IFNGR2: variants seen among roughly 807,000 people sequenced by gnomAD.
IFNGR2 encodes the protein IFN-gamma receptor 2.
IFNGR2 carries 15 observed loss-of-function variants against 41.1 expected under a neutral mutation model. That is an observed-to-expected ratio of 0.37 (90% CI 0.24 to 0.56). The LOEUF is 0.56. Ranked by LOEUF, IFNGR2 falls within the 20% of genes least tolerant of loss-of-function variation. IFNGR2 has a pLI of 0.81. For missense variants in IFNGR2, 362 were observed against 415.7 expected, an observed-to-expected ratio of 0.87 and a Z score of 1.12; for synonymous variants, 161 against 171.6, an observed-to-expected ratio of 0.94 and a Z score of 0.48.
At chr21:33,421,748 G>A (rs891218422) in intron 3 of IFNGR2, 63 bp downstream of exon 3, 19 of 1,236,638 alleles carry the variant, frequency 1.5e-5, no homozygotes, top group African/African-American at 3.0e-5. Context: ...TTGCGGTATC[G>A]ACTCCACACA....
At chr21:33,416,438 T>C (rs2083753958) in intron 2 of IFNGR2, among the ~76,000 whole-genome samples, 1 of 152,326 alleles carries the variant, frequency 6.6e-6, no homozygotes, top group East Asian at 1.9e-4. Flanking sequence ...AAAAATTTTT[T>C]ATTCACTTTT....
At chr21:33,431,535 G>A (rs1044089827) in intron 4 of IFNGR2, among the ~76,000 whole-genome samples, 2 of 152,118 alleles carry the variant, frequency 1.3e-5, no homozygotes, top group South Asian at 2.1e-4. Context: ...GCACCATTGC[G>A]GTCCAGCCTG....
intron 4 of IFNGR2, among the ~76,000 whole-genome samples, chr21:33,431,450 ATCCCAACTAC>A (rs1343770990): frequency 6.6e-6 from 1 of 152,120 alleles, no homozygotes; most frequent in Non-Finnish European, 1.5e-5. Flanking sequence ...GGTGTCTATA[ATCCCAACTAC>A]TCAGGAGTTG....
At chr21:33,431,755 G>A (rs2083890196) in intron 4 of IFNGR2, among the ~76,000 whole-genome samples, 1 of 152,118 alleles carries the variant, frequency 6.6e-6, no homozygotes, top group African/African-American at 2.4e-5. Flanking sequence ...ACTTTTAGTA[G>A]AGACTGGGTT....
At chr21:33,425,229 C>T (rs1285203497) in intron 3 of IFNGR2, among the ~76,000 whole-genome samples, 1 of 152,110 alleles carries the variant, frequency 6.6e-6, no homozygotes, top group African/African-American at 2.4e-5. Context: ...CCGTGATACC[C>T]TTATTTGGCA....
intron 3 of IFNGR2, among the ~76,000 whole-genome samples, chr21:33,422,336 G>A (rs1166036230): frequency 6.6e-6 from 1 of 152,088 alleles, no homozygotes; most frequent in Non-Finnish European, 1.5e-5. Context: ...TGTTTCTTCC[G>A]TGTCTGGTTT....
chr21:33,433,078 GT>G (rs1369048144), intron 6 of IFNGR2, among the ~76,000 whole-genome samples: 4 of 152,070 alleles, frequency 2.6e-5, no homozygotes, highest in Non-Finnish European at 5.9e-5. Context: ...TAGAAACAGG[GT>G]TTTGCTATGT....
chr21:33,427,044 T>C lies in IFNGR2; in HGVS notation c.561+12T>C, dbSNP rs1174383648. 2 of 1,606,522 alleles carry C rather than the reference T, an allele frequency of 1.2e-6. No individual in the cohort carries two copies. Among genetic ancestry groups the C allele is most frequent in the South Asian group, 2.2e-5 (2 of 90,710 alleles). The stretch of plus-strand genomic sequence containing the variant: ...GAGGAATCCAACAGGCAAGAGCATC[T>C]TTCTTTTTTGTTTGGATTTTCTTTT... On this transcript the variant is annotated intron_variant, in intron 4 of 6. Transcript: ENST00000290219.
intron 1 of IFNGR2, among the ~76,000 whole-genome samples, chr21:33,410,037 C>T (rs1398664338): frequency 6.6e-6 from 1 of 152,012 alleles, no homozygotes; most frequent in African/African-American, 2.4e-5. Context: ...GCGAACATAC[C>T]AGTAAGTTCC....
At chr21:33,404,715 C>G (rs1043015643) in intron 1 of IFNGR2, among the ~76,000 whole-genome samples, 2 of 152,126 alleles carry the variant, frequency 1.3e-5, no homozygotes, top group Non-Finnish European at 2.9e-5. Context: ...AGGCTTGAGG[C>G]ACCGTGCCCA....
At chr21:33,419,192 G>A (rs774654432) in intron 2 of IFNGR2, among the ~76,000 whole-genome samples, 49 of 152,028 alleles carry the variant, frequency 3.2e-4, no homozygotes, top group Non-Finnish European at 5.3e-4. Flanking sequence ...TGAAACCTCC[G>A]CCGCCTGGGT....
chr21:33,432,841 T>C lies in IFNGR2; in HGVS notation c.849T>C (p.Thr283=), dbSNP rs769561382. The change falls in exon 6 of 7, where the codon ACT becomes ACC. Residue 283 remains threonine, a synonymous_variant. Coordinates refer to ENST00000290219, the MANE Select transcript of IFNGR2 (RefSeq NM_005534.4). ...YRGLIKYWFH[T]PPSIPLQIEE... ...GCCTGATTAAATACTGGTTTCACAC[T>C]CCACCAAGCATCCCATTACAGATAG... The C allele has an allele frequency of 6.8e-6, 11 of 1,613,480 alleles. No homozygotes were observed. The highest frequency in any genetic ancestry group is 8.5e-6 in the Non-Finnish European group (10 of 1,179,790).
At chr21:33,435,280 G>A (rs1023599211) in intron 6 of IFNGR2, among the ~76,000 whole-genome samples, 7 of 152,150 alleles carry the variant, frequency 4.6e-5, no homozygotes, top group African/African-American at 1.7e-4. Context: ...GGGGAGGGGT[G>A]GAGGAGTGCC....
intron 6 of IFNGR2, among the ~76,000 whole-genome samples, chr21:33,435,650 C>T (rs1054066055): frequency 1.3e-5 from 2 of 151,714 alleles, no homozygotes; most frequent in African/African-American, 2.4e-5. Context: ...TTTGAGAGGC[C>T]GAGGTGGGTG....
chr21:33,416,770 C>T lies in IFNGR2; in HGVS notation c.206+1750C>T, dbSNP rs112806819. Reference sequence around the variant, plus strand: ...CCGGGAGGCAGAGCTTGCAGTGAACCGAGATCGTGCCACTGCACTCCAGGC... The same window carrying T: ...CCGGGAGGCAGAGCTTGCAGTGAACTGAGATCGTGCCACTGCACTCCAGGC... On this transcript the variant is annotated intron_variant, in intron 2 of 6. Transcript: ENST00000290219. Among the ~76,000 whole-genome samples, 390 of 149,462 alleles carry T rather than the reference C, an allele frequency of 2.6e-3. 1 individual carries two copies. The highest frequency in any genetic ancestry group is 4.4e-3 in the Non-Finnish European group (296 of 67,540).
chr21:33,405,115 AAAAAAAAAG>A (rs1394273754), intron 1 of IFNGR2, among the ~76,000 whole-genome samples: 1 of 152,004 alleles, frequency 6.6e-6, no homozygotes, highest in Non-Finnish European at 1.5e-5. Flanking sequence ...AAAAAAAAAA[AAAAAAAAAG>A]AAAAAGAGGA....
chr21:33,413,714 G>A (rs1396773407), intron 1 of IFNGR2, among the ~76,000 whole-genome samples: 1 of 151,936 alleles, frequency 6.6e-6, no homozygotes, highest in African/African-American at 2.4e-5. Context: ...GTACCTGCTT[G>A]GGGAAGGGAG....
chr21:33,428,025 C>T (rs1031226886), intron 4 of IFNGR2, among the ~76,000 whole-genome samples: 1 of 151,280 alleles, frequency 6.6e-6, no homozygotes, highest in Non-Finnish European at 1.5e-5. Context: ...GCCACCGTGC[C>T]CGGCCCATTT....
chr21:33,433,887 T>A (rs2123374159), intron 6 of IFNGR2, among the ~76,000 whole-genome samples: 1 of 152,154 alleles, frequency 6.6e-6, no homozygotes, highest in East Asian at 1.9e-4. Flanking sequence ...TCTCCTCTGC[T>A]GTCTGGAGAA....
Sources: gnomAD v4.1 joint callset for allele counts (sites outside exome capture counted in the v4.1 genomes callset) on GRCh38, gnomAD v4.1.1 for gene constraint, MANE v1.5 for transcripts, NCBI Gene and HGNC (gene_info 2026-07-23, HGNC 2026-07-21) for gene names.